NR2F1-AS1: variants seen among roughly 807,000 people sequenced by gnomAD.
NR2F1-AS1 encodes the protein NR2F1 regulatory antisense RNA 1.
At chr5:93,528,593 T>C (rs554500725) in intron 4 of NR2F1-AS1, among the ~76,000 whole-genome samples, 44 of 152,314 alleles carry the variant, frequency 2.9e-4, no homozygotes, top group African/African-American at 1.0e-3. Flanking sequence ...TAAAGACACA[T>C]GCACACATAT....
At chr5:93,414,678 C>T (rs1223334711) in intron 4 of NR2F1-AS1, among the ~76,000 whole-genome samples, 3 of 152,158 alleles carry the variant, frequency 2.0e-5, no homozygotes, top group Non-Finnish European at 4.4e-5. Context: ...ACCCAGTTTC[C>T]TTTCTACCTG....
At chr5:93,503,734 A>G (rs557440324) in intron 4 of NR2F1-AS1, among the ~76,000 whole-genome samples, 83 of 152,324 alleles carry the variant, frequency 5.4e-4, no homozygotes, top group African/African-American at 1.9e-3. Flanking sequence ...TCCCTGGTAG[A>G]CATTTCACAT....
intron 1 of NR2F1-AS1, among the ~76,000 whole-genome samples, chr5:93,569,725 C>T (rs183968001): frequency 6.6e-6 from 1 of 152,338 alleles, no homozygotes; most frequent in East Asian, 1.9e-4. Flanking sequence ...AAGATGACAT[C>T]TTTGAAAGAA....
chr5:93,426,062 T>TAA (rs1749188520), intron 4 of NR2F1-AS1, among the ~76,000 whole-genome samples: 2 of 151,820 alleles, frequency 1.3e-5, no homozygotes, highest in African/African-American at 4.8e-5. Context: ...TTTTTTAAGA[T>TAA]AGAGTCTCAC....
intron 4 of NR2F1-AS1, among the ~76,000 whole-genome samples, chr5:93,452,143 C>CTTTGTTAAAATTCATATTT (rs1749844404): frequency 6.6e-6 from 1 of 152,012 alleles, no homozygotes; most frequent in Non-Finnish European, 1.5e-5. Context: ...AATACTATAA[C>CTTTGTTAAAATTCATATTT]TTTGTTAAAA....
At position 93,419,153 on chromosome 5, in the gene NR2F1-AS1, C is replaced by T. The variant is rs73772354; in HGVS notation, n.639-23611G>A. 3.2e-3 allele frequency among the ~76,000 whole-genome samples: 487 copies of T among 152,254 alleles called. 1 individual carries two copies. Among genetic ancestry groups the T allele is most frequent in the African/African-American group, 0.011 (470 of 41,542 alleles). ...TGATTAATTATGGACCATCCATACT[C>T]GGGAGCACTGTGCAGCCATTAAAAA... On this transcript the variant is annotated intron_variant and non_coding_transcript_variant, in intron 4 of 5. Transcript: ENST00000660523.
At chr5:93,581,679 T>G (rs1159367586), upstream of NR2F1-AS1, among the ~76,000 whole-genome samples, 5 of 36,812 alleles carry the variant, frequency 1.4e-4, no homozygotes, top group Non-Finnish European at 2.7e-4. Context: ...TCTCTCTCTC[T>G]CTCTCTCTCT....
At chr5:93,540,752 C>T (rs1751933453) in intron 4 of NR2F1-AS1, among the ~76,000 whole-genome samples, 1 of 151,918 alleles carries the variant, frequency 6.6e-6, no homozygotes, top group African/African-American at 2.4e-5. Context: ...AAAACACACA[C>T]ACAAAAAAAC....
intron 4 of NR2F1-AS1, among the ~76,000 whole-genome samples, chr5:93,495,160 G>T (rs1750933429): frequency 6.6e-6 from 1 of 152,056 alleles, no homozygotes; most frequent in Non-Finnish European, 1.5e-5. Flanking sequence ...TGCAAATAAT[G>T]ACATTATACT....
At chr5:93,458,674 C>T (rs1750006924) in intron 4 of NR2F1-AS1, among the ~76,000 whole-genome samples, 1 of 152,108 alleles carries the variant, frequency 6.6e-6, no homozygotes, top group Non-Finnish European at 1.5e-5. Flanking sequence ...AACTGCCTTT[C>T]ACTAAAGTAA....
chr5:93,419,118 A>C (rs1046586001), intron 4 of NR2F1-AS1, among the ~76,000 whole-genome samples: 1 of 152,252 alleles, frequency 6.6e-6, no homozygotes, highest in Non-Finnish European at 1.5e-5. Flanking sequence ...AATGGCCAAC[A>C]GTTGAAGGAT....
intron 4 of NR2F1-AS1, among the ~76,000 whole-genome samples, chr5:93,471,546 A>G (rs1561455471): frequency 6.6e-6 from 1 of 152,040 alleles, no homozygotes; most frequent in African/African-American, 2.4e-5. Flanking sequence ...TATAAAATAT[A>G]TGAAAAATTT....
chr5:93,552,844 T>C (rs781673341), intron 4 of NR2F1-AS1, among the ~76,000 whole-genome samples: 2 of 152,156 alleles, frequency 1.3e-5, no homozygotes, highest in Non-Finnish European at 2.9e-5. Flanking sequence ...ATATACTTCA[T>C]GATTATATAA....
At chr5:93,435,454 T>A (rs1177043850) in intron 4 of NR2F1-AS1, among the ~76,000 whole-genome samples, 2 of 152,212 alleles carry the variant, frequency 1.3e-5, no homozygotes, top group African/African-American at 4.8e-5. Flanking sequence ...AAATAGATTG[T>A]TCCACTATAA....
At chr5:93,506,079 T>A (rs1053710354) in intron 4 of NR2F1-AS1, among the ~76,000 whole-genome samples, 2 of 152,204 alleles carry the variant, frequency 1.3e-5, no homozygotes, top group Admixed American at 6.5e-5. Flanking sequence ...TTGCTGCTTA[T>A]AAATTTCTTC....
chr5:93,483,532 C>T (rs754344729), intron 4 of NR2F1-AS1, among the ~76,000 whole-genome samples: 10 of 152,186 alleles, frequency 6.6e-5, no homozygotes, highest in Non-Finnish European at 1.0e-4. Flanking sequence ...AAAACCAGAA[C>T]GCCTCTTCTC....
At chr5:93,557,172 A>C (rs1040006749) in intron 2 of NR2F1-AS1, among the ~76,000 whole-genome samples, 1 of 152,246 alleles carries the variant, frequency 6.6e-6, no homozygotes, top group African/African-American at 2.4e-5. Flanking sequence ...ATAAGAGAGT[A>C]AAATGAAGTT....
At chr5:93,568,135 T>G (rs1422277351) in intron 1 of NR2F1-AS1, among the ~76,000 whole-genome samples, 1 of 152,188 alleles carries the variant, frequency 6.6e-6, no homozygotes, top group Non-Finnish European at 1.5e-5. Flanking sequence ...AGACTTAAAA[T>G]TTTTAATTCA....
chr5:93,419,386 T>C (rs551021488), intron 4 of NR2F1-AS1, among the ~76,000 whole-genome samples: 3 of 152,352 alleles, frequency 2.0e-5, no homozygotes, highest in South Asian at 2.1e-4. Flanking sequence ...TTCTGTTATG[T>C]GATATTCAAG....
Sources: allele counts gnomAD v4.1 joint callset (sites outside exome capture counted in the v4.1 genomes callset), GRCh38; gene constraint gnomAD v4.1.1; transcripts MANE v1.5; gene names NCBI Gene and HGNC (gene_info 2026-07-23, HGNC 2026-07-21).